The following UVRAG variants were observed in gnomAD, a reference collection of about 807,000 sequenced individuals.
UVRAG encodes UV radiation resistance associated.
Under a neutral mutation model 78.0 loss-of-function variants are expected in UVRAG, and 19 were observed. The observed-to-expected ratio is 0.24, with a 90% confidence interval of 0.17 to 0.36. The LOEUF (loss-of-function observed/expected upper bound fraction) is 0.36, where lower values mean the gene tolerates loss of function less well. Ranked by LOEUF, UVRAG falls within the 10% of genes least tolerant of loss-of-function variation. UVRAG has a pLI of 1.00. For missense variants in UVRAG, 740 were observed against 853.8 expected (o/e 0.87, Z 1.66); for synonymous variants, 323 against 324.6 (o/e 1.00, Z 0.05).
intron 5 of UVRAG, among the ~76,000 whole-genome samples, chr11:75,889,451 A>G (rs1312195040): frequency 6.6e-6 from 1 of 152,106 alleles, no homozygotes; most frequent in Non-Finnish European, 1.5e-5. Flanking sequence ...TGTCCTCTCC[A>G]TTTTATAGTT....
Position 76,141,680 on chromosome 11 carries a change from T to C in UVRAG, c.*267T>C, listed in dbSNP as rs1366234962. The stretch of plus-strand genomic sequence containing the variant: ...TAGTTGAAAGAGCTTACAGCTCGAG[T>C]CACCTTTTAGCTATTTGTCTGCTTT... On this transcript the variant is annotated 3_prime_UTR_variant, in exon 15 of 15. Coordinates refer to ENST00000356136, the MANE Select transcript of UVRAG (RefSeq NM_003369.4). 6 of 471,084 alleles carry C rather than the reference T, an allele frequency of 1.3e-5. No homozygotes were observed. The highest frequency in any genetic ancestry group is 2.3e-5 in the Non-Finnish European group (6 of 264,330). The allele number at this position is 471,084 out of a possible 1,614,324, so 29.2% of individuals were successfully genotyped here. A position where few individuals can be genotyped will look rare whatever the true frequency, so the allele number is the denominator to read the frequency against.
At chr11:75,870,307 A>G (rs1223640404) in intron 3 of UVRAG, among the ~76,000 whole-genome samples, 5 of 152,216 alleles carry the variant, frequency 3.3e-5, no homozygotes, top group South Asian at 2.1e-4. Context: ...CAGGTCATCT[A>G]TTCAACCACA....
chr11:76,129,497 T>A (rs1952474812), intron 14 of UVRAG, among the ~76,000 whole-genome samples: 1 of 152,180 alleles, frequency 6.6e-6, no homozygotes, highest in African/African-American at 2.4e-5. Context: ...TATCAGAAAT[T>A]GCCTCCTGTA....
chr11:75,877,492 G>A (rs1458388476), intron 3 of UVRAG, among the ~76,000 whole-genome samples: 9 of 148,128 alleles, frequency 6.1e-5, no homozygotes, highest in Non-Finnish European at 1.2e-4. Context: ...CGGACGGGGC[G>A]GCTGGCTGGG....
intron 14 of UVRAG, among the ~76,000 whole-genome samples, chr11:76,134,314 A>G (rs2134505458): frequency 7.0e-6 from 1 of 143,448 alleles, no homozygotes; most frequent in Admixed American, 7.1e-5. Context: ...TCCAAGCTGG[A>G]ATGCAGTAGC....
At position 75,822,532 on chromosome 11, in the gene UVRAG, C is replaced by T. The variant is rs148373141; in HGVS notation, c.117+7008C>T. 4.6e-3 allele frequency among the ~76,000 whole-genome samples: 708 copies of T among 152,282 alleles called. 5 individuals carry two copies. Among genetic ancestry groups the T allele is most frequent in the African/African-American group, 0.016 (646 of 41,552 alleles). ...ACTGTCCCCTACTTCACATGCCAGA[C>T]GTAAGTCTGGGTCTCTGGAACTTCT... On this transcript the variant is annotated intron_variant, in intron 1 of 14. Transcript: ENST00000356136.
chr11:75,973,174 T>A (rs1949159923), intron 7 of UVRAG, among the ~76,000 whole-genome samples: 1 of 152,232 alleles, frequency 6.6e-6, no homozygotes, highest in African/African-American at 2.4e-5. Context: ...AGCTGTAGGT[T>A]ATTTGGTAGA....
At chr11:76,096,849 G>C (rs1951793421) in intron 13 of UVRAG, among the ~76,000 whole-genome samples, 1 of 152,136 alleles carries the variant, frequency 6.6e-6, no homozygotes, top group Admixed American at 6.6e-5. Context: ...GTTGAATGCA[G>C]TGAGACAGGC....
chr11:75,923,620 G>A (rs1355391671), intron 6 of UVRAG, among the ~76,000 whole-genome samples: 1 of 152,114 alleles, frequency 6.6e-6, no homozygotes, highest in African/African-American at 2.4e-5. Flanking sequence ...TTCTTTGAAG[G>A]TTAGGACTTA....
At chr11:75,902,880 A>C (rs1347864275) in intron 5 of UVRAG, among the ~76,000 whole-genome samples, 1 of 152,130 alleles carries the variant, frequency 6.6e-6, no homozygotes, top group Non-Finnish European at 1.5e-5. Flanking sequence ...ACTCTGTCTT[A>C]CTGCTGCCTG....
chr11:75,820,581 C>T (rs1945365683), intron 1 of UVRAG, among the ~76,000 whole-genome samples: 1 of 152,124 alleles, frequency 6.6e-6, no homozygotes, highest in African/African-American at 2.4e-5. Context: ...TCTTGAACTC[C>T]TGAGCTCAGG....
intron 1 of UVRAG, among the ~76,000 whole-genome samples, chr11:75,847,518 T>G (rs1946061746): frequency 6.6e-6 from 1 of 151,590 alleles, no homozygotes; most frequent in Admixed American, 6.6e-5. Context: ...GTGATCCTCT[T>G]GCTTTGGCCT....
At chr11:75,909,318 C>T (rs1467789606) in intron 5 of UVRAG, among the ~76,000 whole-genome samples, 1 of 151,356 alleles carries the variant, frequency 6.6e-6, no homozygotes, top group Non-Finnish European at 1.5e-5. Flanking sequence ...CCCATCTCTA[C>T]AAAAAAAATA....
At chr11:76,058,503 C>T (rs1349326924) in intron 12 of UVRAG, among the ~76,000 whole-genome samples, 1 of 139,224 alleles carries the variant, frequency 7.2e-6, no homozygotes, top group Non-Finnish European at 1.5e-5. Context: ...CACTGCACTC[C>T]AGCCTGGGAG....
chr11:75,992,546 C>A (rs930435618), intron 8 of UVRAG, among the ~76,000 whole-genome samples: 1 of 151,916 alleles, frequency 6.6e-6, no homozygotes, highest in Non-Finnish European at 1.5e-5. Flanking sequence ...ATTCCCATTG[C>A]GAATGTTTGT....
intron 14 of UVRAG, among the ~76,000 whole-genome samples, chr11:76,130,073 T>C (rs148296692): frequency 1.1e-3 from 172 of 152,302 alleles, no homozygotes; most frequent in Non-Finnish European, 1.9e-3. Flanking sequence ...CATTGACCTT[T>C]TGGGTCCTCA....
At chr11:76,043,363 A>G (rs763464212) in intron 12 of UVRAG, among the ~76,000 whole-genome samples, 1 of 152,158 alleles carries the variant, frequency 6.6e-6, no homozygotes, top group African/African-American at 2.4e-5. Flanking sequence ...TCAAAAGCCA[A>G]TTTGTTTATA....
chr11:75,974,014 A>C (rs2135246326), intron 7 of UVRAG, among the ~76,000 whole-genome samples: 1 of 151,392 alleles, frequency 6.6e-6, no homozygotes, highest in East Asian at 1.9e-4. Context: ...CGCAATAAAC[A>C]TATGTGTGCA....
intron 12 of UVRAG, among the ~76,000 whole-genome samples, chr11:76,046,849 A>C (rs1351577132): frequency 6.6e-6 from 1 of 152,226 alleles, no homozygotes; most frequent in African/African-American, 2.4e-5. Flanking sequence ...ATAAGCTTGG[A>C]GGTCTAGGAA....
Sources: allele counts gnomAD v4.1 joint callset (sites outside exome capture counted in the v4.1 genomes callset), GRCh38; gene constraint gnomAD v4.1.1; transcripts MANE v1.5; gene names NCBI Gene and HGNC (gene_info 2026-07-23, HGNC 2026-07-21).